The following NRXN3 variants were observed in gnomAD, a reference collection of about 807,000 sequenced individuals.
NRXN3 encodes the protein neurexin 3, also known as neurexin III.
NRXN3 carries 32 observed loss-of-function variants against 137.6 expected under a neutral mutation model. The observed-to-expected ratio is 0.23, with a 90% CI of 0.18 to 0.31. The LOEUF is 0.31. Ranked by LOEUF, NRXN3 falls within the 10% of genes least tolerant of loss-of-function variation. NRXN3 has a pLI of 1.00. For missense variants in NRXN3, 1,574 were observed against 2,062.5 expected (o/e 0.76, Z 4.59); for synonymous variants, 798 against 784.5 (o/e 1.02, Z -0.29).
chr14:78,839,275 G>A (rs1054867614), intron 10 of NRXN3, among the ~76,000 whole-genome samples: 2 of 152,160 alleles, frequency 1.3e-5, no homozygotes, highest in African/African-American at 4.8e-5. Context: ...TAAGAAAGAG[G>A]GATGTGCCAA....
At chr14:79,019,031 G>T (rs1459301735) in intron 15 of NRXN3, among the ~76,000 whole-genome samples, 1 of 151,992 alleles carries the variant, frequency 6.6e-6, no homozygotes, top group Non-Finnish European at 1.5e-5. Context: ...AGCTGGAAAC[G>T]TTTTTTTCTT....
chr14:79,497,529 T>C (rs1307494326), intron 16 of NRXN3, among the ~76,000 whole-genome samples: 1 of 152,168 alleles, frequency 6.6e-6, no homozygotes, highest in African/African-American at 2.4e-5. Context: ...TTACCCTGCC[T>C]TACTTTTTCC....
chr14:79,027,432 C>T (rs1438943526), intron 15 of NRXN3, among the ~76,000 whole-genome samples: 1 of 152,058 alleles, frequency 6.6e-6, no homozygotes, highest in Non-Finnish European at 1.5e-5. Context: ...AAGGGAACAG[C>T]TGGGGGACTG....
chr14:79,735,212 C>T (rs544340799), intron 19 of NRXN3, among the ~76,000 whole-genome samples: 16 of 152,242 alleles, frequency 1.1e-4, no homozygotes, highest in African/African-American at 3.6e-4. Context: ...GGACCTTGGG[C>T]TTAAAGGCAA....
At chr14:79,643,097 C>G (rs1300757988) in intron 16 of NRXN3, among the ~76,000 whole-genome samples, 2 of 136,102 alleles carry the variant, frequency 1.5e-5, no homozygotes, top group Admixed American at 1.5e-4. Context: ...TATCCTTTCT[C>G]ATTTGGAAAG....
intron 8 of NRXN3, among the ~76,000 whole-genome samples, chr14:78,773,905 GA>G (rs2098736798): frequency 6.6e-6 from 1 of 151,994 alleles, no homozygotes; most frequent in South Asian, 2.1e-4. Context: ...GGGTTCAAGC[GA>G]TTCTCCTGCC....
At chr14:79,466,513 A>G (rs1417990920) in intron 15 of NRXN3, among the ~76,000 whole-genome samples, 1 of 152,158 alleles carries the variant, frequency 6.6e-6, no homozygotes, top group Non-Finnish European at 1.5e-5. Flanking sequence ...GCTTGAACCC[A>G]GGAGGCAAAG....
chr14:78,646,883 A>G (rs1427829756), intron 5 of NRXN3, among the ~76,000 whole-genome samples: 1 of 152,212 alleles, frequency 6.6e-6, no homozygotes, highest in African/African-American at 2.4e-5. Context: ...TCAAATATCC[A>G]TTTGCTAACA....
At chr14:79,631,698 A>G (rs2098350214) in intron 16 of NRXN3, among the ~76,000 whole-genome samples, 1 of 152,032 alleles carries the variant, frequency 6.6e-6, no homozygotes, top group South Asian at 2.1e-4. Flanking sequence ...GTCTAGCTAA[A>G]GGTTTGTAAA....
chr14:79,601,550 G>C (rs967105884), intron 16 of NRXN3, among the ~76,000 whole-genome samples: 1 of 151,936 alleles, frequency 6.6e-6, no homozygotes, highest in African/African-American at 2.4e-5. Flanking sequence ...CTTTATCTCT[G>C]TGCCTGAACA....
chr14:78,452,156 T>C (rs1179105537), intron 4 of NRXN3, among the ~76,000 whole-genome samples: 2 of 152,216 alleles, frequency 1.3e-5, no homozygotes, highest in Non-Finnish European at 2.9e-5. Context: ...GGTACTGATA[T>C]TATGATGCCA....
At chr14:78,527,939 A>C (rs17107813) in intron 4 of NRXN3, among the ~76,000 whole-genome samples, 1 of 152,224 alleles carries the variant, frequency 6.6e-6, no homozygotes, top group Non-Finnish European at 1.5e-5. Context: ...ACATTTAAAA[A>C]AGATGTGCAG....
chr14:79,438,000 C>T (rs746917111), intron 15 of NRXN3, among the ~76,000 whole-genome samples: 1 of 152,098 alleles, frequency 6.6e-6, no homozygotes, highest in African/African-American at 2.4e-5. Context: ...TTTTGTACCC[C>T]CAGGCCTCAG....
intron 15 of NRXN3, among the ~76,000 whole-genome samples, chr14:79,178,822 G>C (rs1438834060): frequency 6.6e-6 from 1 of 152,162 alleles, no homozygotes; most frequent in Non-Finnish European, 1.5e-5. Context: ...CAAGTGATAA[G>C]ATGACTTTAC....
intron 16 of NRXN3, among the ~76,000 whole-genome samples, chr14:79,608,148 C>T (rs983867629): frequency 1.3e-5 from 2 of 151,972 alleles, no homozygotes; most frequent in East Asian, 3.9e-4. Context: ...TTATCTTGAC[C>T]TTTGCTTTAA....
At chr14:78,473,426 C>T (rs1465255694) in intron 4 of NRXN3, among the ~76,000 whole-genome samples, 1 of 150,124 alleles carries the variant, frequency 6.7e-6, no homozygotes, top group East Asian at 2.1e-4. Context: ...AAATGAAAAA[C>T]CTTTCTTTTG....
At chr14:79,436,145 G>C (rs1054630171) in intron 15 of NRXN3, among the ~76,000 whole-genome samples, 2 of 152,018 alleles carry the variant, frequency 1.3e-5, no homozygotes, top group Non-Finnish European at 2.9e-5. Context: ...CCTGGAACCA[G>C]GTTAAACCAT....
At chr14:78,492,299 C>A (rs556559757) in intron 4 of NRXN3, among the ~76,000 whole-genome samples, 35 of 151,952 alleles carry the variant, frequency 2.3e-4, no homozygotes, top group African/African-American at 8.2e-4. Flanking sequence ...GAGAAGTGGA[C>A]TGCCAAAATT....
intron 11 of NRXN3, among the ~76,000 whole-genome samples, chr14:78,964,491 T>C (rs970169404): frequency 6.6e-6 from 1 of 152,198 alleles, no homozygotes; most frequent in South Asian, 2.1e-4. Context: ...GAGCTAAGCA[T>C]ACACAGCTTC....
Sources: gnomAD v4.1 joint callset for allele counts (sites outside exome capture counted in the v4.1 genomes callset) on GRCh38, gnomAD v4.1.1 for gene constraint, MANE v1.5 for transcripts, NCBI Gene and HGNC (gene_info 2026-07-23, HGNC 2026-07-21) for gene names.